SYT2: variants seen among roughly 807,000 people sequenced by gnomAD.
The protein encoded by SYT2 is synaptotagmin-2.
SYT2 carries 15 observed loss-of-function variants against 39.9 expected under a neutral mutation model. The observed-to-expected ratio is 0.38, with a 90% confidence interval of 0.25 to 0.58. The LOEUF (loss-of-function observed/expected upper bound fraction) is 0.58. Ranked by LOEUF, SYT2 falls within the 20% of genes least tolerant of loss-of-function variation. The probability of loss-of-function intolerance (pLI) is 0.70; values close to 1 mark genes in which losing one functional copy is unlikely to be tolerated. For missense variants in SYT2, 389 were observed against 530.3 expected (o/e 0.73, Z 2.62); for synonymous variants, 181 against 204.5 (o/e 0.89, Z 0.98).
intron 1 of SYT2, among the ~76,000 whole-genome samples, chr1:202,624,117 T>C (rs1246550686): frequency 6.6e-6 from 1 of 151,658 alleles, no homozygotes; most frequent in African/African-American, 2.4e-5. Flanking sequence ...TTAATAGGAG[T>C]GCGTGAGTGT....
intron 1 of SYT2, among the ~76,000 whole-genome samples, chr1:202,652,960 A>AC (rs1032887341): frequency 1.3e-4 from 7 of 54,500 alleles, no homozygotes; most frequent in East Asian, 5.2e-4. Flanking sequence ...CCCACCACCC[A>AC]CCCCCCCTTA....
intron 1 of SYT2, among the ~76,000 whole-genome samples, chr1:202,700,657 A>G (rs755944199): frequency 3.9e-5 from 6 of 152,210 alleles, no homozygotes; most frequent in Non-Finnish European, 5.9e-5. Context: ...ATCTAGTAAG[A>G]AGGAGGCCTT....
At chr1:202,674,196 G>A (rs563692549) in intron 1 of SYT2, among the ~76,000 whole-genome samples, 64 of 152,230 alleles carry the variant, frequency 4.2e-4, no homozygotes, top group African/African-American at 1.5e-3. Flanking sequence ...CCGCCTCCTG[G>A]GTTCAAGCAA....
At chr1:202,691,187 T>C (rs1420916117) in intron 1 of SYT2, among the ~76,000 whole-genome samples, 1 of 152,214 alleles carries the variant, frequency 6.6e-6, no homozygotes, top group Non-Finnish European at 1.5e-5. Flanking sequence ...CCCTTTTGTG[T>C]TCGGCAGGTT....
At chr1:202,631,785 G>A (rs1379081353) in intron 1 of SYT2, among the ~76,000 whole-genome samples, 40 of 152,220 alleles carry the variant, frequency 2.6e-4, no homozygotes, top group Non-Finnish European at 4.4e-5. Flanking sequence ...ATCATTGGGA[G>A]CATTCAAGCT....
At chr1:202,683,254 T>C (rs1653570928) in intron 1 of SYT2, among the ~76,000 whole-genome samples, 2 of 152,194 alleles carry the variant, frequency 1.3e-5, no homozygotes, top group South Asian at 4.1e-4. Context: ...GACAAGTATG[T>C]TCGCAGCAGC....
chr1:202,696,054 A>C (rs1229181698), intron 1 of SYT2, among the ~76,000 whole-genome samples: 1 of 152,148 alleles, frequency 6.6e-6, no homozygotes, highest in African/African-American at 2.4e-5. Flanking sequence ...GGAAACGTCT[A>C]ATGTTTTTCT....
At chr1:202,638,380 T>C (rs1352268532) in intron 1 of SYT2, among the ~76,000 whole-genome samples, 1 of 152,272 alleles carries the variant, frequency 6.6e-6, no homozygotes, top group Non-Finnish European at 1.5e-5. Context: ...CCAAGGACTT[T>C]TTCCACATCT....
At chr1:202,703,876 G>T (rs1654183292) in intron 1 of SYT2, among the ~76,000 whole-genome samples, 1 of 152,176 alleles carries the variant, frequency 6.6e-6, no homozygotes, top group Non-Finnish European at 1.5e-5. Context: ...AAGATGCATG[G>T]AATAGTAATG....
At chr1:202,673,032 C>A (rs10800853) in intron 1 of SYT2, among the ~76,000 whole-genome samples, 39,707 of 151,830 alleles carry the variant, frequency 0.26, 5,955 homozygotes, top group Middle Eastern at 0.36. Flanking sequence ...CTCACAATAT[C>A]CAAACGTTTG....
chr1:202,643,838 C>T (rs1021607503), intron 1 of SYT2, among the ~76,000 whole-genome samples: 20 of 152,128 alleles, frequency 1.3e-4, no homozygotes, highest in African/African-American at 4.8e-4. Context: ...CCGAGGAGTC[C>T]CCGCCAGCTC....
At chr1:202,646,842 ACTCT>A (rs1283442049) in intron 1 of SYT2, among the ~76,000 whole-genome samples, 1 of 150,804 alleles carries the variant, frequency 6.6e-6, no homozygotes, top group Non-Finnish European at 1.5e-5. Context: ...CTGACCCCCA[ACTCT>A]CTCTCCTCCG....
At chr1:202,707,439 C>T (rs1654280473) in intron 1 of SYT2, among the ~76,000 whole-genome samples, 2 of 152,140 alleles carry the variant, frequency 1.3e-5, no homozygotes, top group Admixed American at 1.3e-4. Flanking sequence ...GTATCCCCAC[C>T]ACCCTGGACC....
chr1:202,677,081 T>C (rs761773168), intron 1 of SYT2, among the ~76,000 whole-genome samples: 7 of 152,234 alleles, frequency 4.6e-5, no homozygotes, highest in Non-Finnish European at 8.8e-5. Context: ...ATTGTAGATT[T>C]CCTGAGGCCT....
In SYT2 at chr1:202,601,911, CAGG is replaced by C. The variant is rs1690517194; in HGVS notation, c.777_779del (p.Asp259_Leu260delinsGlu). On this transcript the variant is annotated inframe_deletion, in exon 6 of 9. Transcript: ENST00000367268. The surrounding 1 kb of genome is among the most constrained non-coding windows in gnomAD (Gnocchi z 4.0). The stretch of plus-strand genomic sequence containing the variant: ...TTACCTCCTCCTTTTCCCCGCCTTG[CAGG>C]TCTCTCCACTCCTCAATGGGCTGGC... The C allele has an allele frequency of 6.2e-7, 1 of 1,613,960 alleles. No individual in the cohort carries two copies. Among genetic ancestry groups the C allele is most frequent in the African/African-American group, 1.3e-5 (1 of 74,926 alleles).
At chr1:202,658,662 AT>A (rs140278190) in intron 1 of SYT2, among the ~76,000 whole-genome samples, 22,908 of 137,056 alleles carry the variant, frequency 0.17, 2,234 homozygotes, top group South Asian at 0.33. Flanking sequence ...CAGTGGTCGG[AT>A]TTTTTTTATT....
intron 1 of SYT2, among the ~76,000 whole-genome samples, chr1:202,680,807 T>G (rs1653505001): frequency 6.6e-6 from 1 of 152,146 alleles, no homozygotes; most frequent in Non-Finnish European, 1.5e-5. Context: ...CAAAGGGGCA[T>G]GCAGAGTGGT....
chr1:202,649,088 G>A (rs1692142991), intron 1 of SYT2, among the ~76,000 whole-genome samples: 1 of 152,256 alleles, frequency 6.6e-6, no homozygotes, highest in African/African-American at 2.4e-5. Flanking sequence ...GAGCAGCTAA[G>A]GCTGCAGAAG....
rs1220478733 is a variant in SYT2, at chr1:202,628,874, T to A, written c.-17-23085A>T. 6.6e-6 allele frequency among the ~76,000 whole-genome samples: 1 copy of A among 152,248 alleles called. No homozygotes were observed. The highest frequency in any genetic ancestry group is 2.1e-4 in the South Asian group (1 of 4,826). Reference sequence around the variant, plus strand: ...CTGGGCAGACTGACCTGGACTGGAGTCTCGGCTCTTTTAGCCATGGGAACT... The same window carrying A: ...CTGGGCAGACTGACCTGGACTGGAGACTCGGCTCTTTTAGCCATGGGAACT... On this transcript the variant is annotated intron_variant, in intron 1 of 8. Transcript: ENST00000367268. This position sits in a 1 kb window ranked among gnomAD's most constrained non-coding sequence, Gnocchi z 4.2.
Sources: allele counts gnomAD v4.1 joint callset (sites outside exome capture counted in the v4.1 genomes callset), GRCh38; gene constraint gnomAD v4.1.1; non-coding constraint Gnocchi (gnomAD v3.1); transcripts MANE v1.5; gene names NCBI Gene and HGNC (gene_info 2026-07-23, HGNC 2026-07-21).